DNAH6: variants seen among roughly 807,000 people sequenced by gnomAD.
DNAH6 encodes dynein axonemal heavy chain 6, also known as axonemal beta dynein heavy chain 6.
Under a neutral mutation model 491.4 loss-of-function variants are expected in DNAH6, and 340 were observed. The ratio of observed to expected loss-of-function variants is 0.69; its 90% CI spans 0.63 to 0.76. The LOEUF is 0.76. DNAH6 is among the 30% of genes least tolerant of loss of function. The probability of loss-of-function intolerance (pLI) is 0.00; values close to 1 mark genes in which losing one functional copy is unlikely to be tolerated. For missense variants in DNAH6, 4,443 were observed against 4,972.2 expected (o/e 0.89, Z 3.20); for synonymous variants, 1,603 against 1,686.1 (o/e 0.95, Z 1.21).
chr2:84,504,251 T>A, the DNAH6 span, among the ~76,000 whole-genome samples: 1 of 152,170 alleles, frequency 6.6e-6, no homozygotes, highest in South Asian at 2.1e-4. Context: ...TCTGCTTGAT[T>A]CTTTTTAATT....
At chr2:84,514,748 A>C (rs1233735289), upstream of DNAH6, among the ~76,000 whole-genome samples, 1 of 152,164 alleles carries the variant, frequency 6.6e-6, no homozygotes, top group Admixed American at 6.5e-5. Flanking sequence ...AATGAAGATA[A>C]CATCTTGCCA....
In DNAH6 at chr2:84,584,191, T is replaced by G; in HGVS notation, c.2422T>G (p.Leu808Val). 1 of 1,614,164 alleles carries G rather than the reference T, an allele frequency of 6.2e-7. No homozygotes were observed. The highest frequency in any genetic ancestry group is 1.1e-5 in the South Asian group (1 of 91,084). ...AAGCATTAAGCAATTTTGTGTGCATTTGGGTAGTGATCTTGAAGAATTAAA... is the reference window on the plus strand; with the variant it reads ...AAGCATTAAGCAATTTTGTGTGCATGTGGGTAGTGATCTTGAAGAATTAAA... ...ESSIKQFCVH[L>V]GSDLEELNNE... Residue 808 changes from leucine (L) to valine (V), a missense_variant, in exon 15 of 77, where the codon TTG (leucine) becomes GTG (valine). Transcript: ENST00000389394.
chr2:84,740,466 G>A (rs1035184291), intron 62 of DNAH6, among the ~76,000 whole-genome samples: 3 of 152,180 alleles, frequency 2.0e-5, no homozygotes, highest in African/African-American at 7.2e-5. Flanking sequence ...TGAGAAGAAG[G>A]GTGGCGGAGC....
At chr2:84,616,746 G>T (rs1033841809) in intron 22 of DNAH6, 140 bp from the exon 23 acceptor site, 15 of 475,544 alleles carry the variant, frequency 3.2e-5, no homozygotes, top group Non-Finnish European at 5.2e-5. Context: ...ATAATTCAAA[G>T]CATATTTTTA....
At chr2:84,766,622 A>G (rs1025013313) in intron 64 of DNAH6, among the ~76,000 whole-genome samples, 1 of 152,246 alleles carries the variant, frequency 6.6e-6, no homozygotes, top group Non-Finnish European at 1.5e-5. Flanking sequence ...CCTAGAAAAC[A>G]TAGACAAAAT....
chr2:84,625,165 G>A (rs1687745440), intron 29 of DNAH6, 102 bp downstream of exon 29: 10 of 1,121,034 alleles, frequency 8.9e-6, no homozygotes, highest in Middle Eastern at 5.7e-4. Flanking sequence ...GTGATGACAA[G>A]CAAGAGAAAA....
chr2:84,624,859 AG>A (rs1687715376), intron 28 of DNAH6, 42 bp from the exon 29 acceptor site: 1 of 1,488,288 alleles, frequency 6.7e-7, no homozygotes, highest in Admixed American at 2.5e-5. Context: ...ATTTGTGGCC[AG>A]AGTTGGTTCC....
At chr2:84,742,492 G>A (rs916014497) in intron 62 of DNAH6, among the ~76,000 whole-genome samples, 16 of 152,152 alleles carry the variant, frequency 1.1e-4, no homozygotes, top group African/African-American at 3.9e-4. Context: ...CTGGTGGGTA[G>A]AGACCAGAGA....
Position 84,550,018 on chromosome 2 carries a change from A to G in DNAH6, c.1446A>G (p.Lys482=), listed in dbSNP as rs1235510168. 3 of 1,613,964 alleles carry G rather than the reference A, an allele frequency of 1.9e-6. No individual in the cohort carries two copies. The highest frequency in any genetic ancestry group is 4.5e-5 in the East Asian group (2 of 44,876). The change falls in exon 9 of 77, where the codon AAA becomes AAG. Residue 482 remains lysine, a synonymous_variant. Transcript: ENST00000389394. The part of the protein sequence containing the change: ...KRTPSADVIQ[K]WITEEKPEVP... Reference sequence around the variant, plus strand: ...CACCTTCAGCAGATGTCATTCAGAAATGGATTACTGAAGAGAAGCCTGAAG... The same window carrying G: ...CACCTTCAGCAGATGTCATTCAGAAGTGGATTACTGAAGAGAAGCCTGAAG...
intron 56 of DNAH6, 64 bp downstream of exon 56, chr2:84,710,476 T>C: frequency 1.3e-6 from 2 of 1,487,294 alleles, no homozygotes; most frequent in Non-Finnish European, 1.8e-6. Context: ...TGGAATCCTA[T>C]ATAGGCCACA....
intron 65 of DNAH6, among the ~76,000 whole-genome samples, chr2:84,783,746 G>A (rs11898381): frequency 6.6e-6 from 1 of 152,196 alleles, no homozygotes; most frequent in Admixed American, 6.5e-5. Context: ...TTCCATTCTA[G>A]TTGGGGGGAG....
At chr2:84,742,560 T>C (rs747923458) in intron 62 of DNAH6, among the ~76,000 whole-genome samples, 1 of 152,168 alleles carries the variant, frequency 6.6e-6, no homozygotes, top group Non-Finnish European at 1.5e-5. Context: ...AACTACAGCA[T>C]CCAAAATGTC....
rs114082388 is a variant in DNAH6 at position 84,731,751 on chromosome 2, C to T, written c.10207-1693C>T. ...TTGATGGAATTACTGGACAGAGACA[C>T]AACATTATAAGCCAGCTGGTTTGCC... On this transcript the variant is annotated intron_variant, in intron 61 of 76. Coordinates refer to ENST00000389394, the MANE Select transcript of DNAH6 (RefSeq NM_001370.2). Among the ~76,000 whole-genome samples the T allele has an allele frequency of 8.3e-3, 1,259 of 152,124 alleles. 9 individuals are homozygous for T. The highest frequency in any genetic ancestry group is 0.027 in the Middle Eastern group (8 of 292).
chr2:84,547,469 T>C (rs752965638), intron 6 of DNAH6, 23 bp from the exon 7 acceptor site: 2 of 1,551,614 alleles, frequency 1.3e-6, no homozygotes, highest in South Asian at 2.4e-5. Context: ...TATCACTAAC[T>C]GTACATATTC....
At chr2:84,665,263 GGAGA>G (rs1308158426) in intron 37 of DNAH6, among the ~76,000 whole-genome samples, 1 of 152,040 alleles carries the variant, frequency 6.6e-6, no homozygotes, top group Non-Finnish European at 1.5e-5. Context: ...CAGAACTGAA[GGAGA>G]GAGAGACACA....
intron 23 of DNAH6, among the ~76,000 whole-genome samples, chr2:84,619,259 C>A (rs956721340): frequency 6.6e-6 from 1 of 152,104 alleles, no homozygotes; most frequent in Admixed American, 6.6e-5. Context: ...TCTCCTGCAA[C>A]CACCCATCCA....
At chr2:84,749,191 C>T (rs1369275376) in intron 63 of DNAH6, among the ~76,000 whole-genome samples, 1 of 152,082 alleles carries the variant, frequency 6.6e-6, no homozygotes, top group Non-Finnish European at 1.5e-5. Context: ...CTCTGTCATT[C>T]TGTAGGAAGA....
At chr2:84,667,313 C>T (rs1036965510) in intron 37 of DNAH6, among the ~76,000 whole-genome samples, 1 of 152,066 alleles carries the variant, frequency 6.6e-6, no homozygotes, top group Non-Finnish European at 1.5e-5. Context: ...GAACAGGCAA[C>T]CTACAGAATG....
intron 2 of DNAH6, 69 bp from the exon 3 acceptor site, chr2:84,525,496 G>T (rs529051697): frequency 7.0e-7 from 1 of 1,427,484 alleles, no homozygotes; most frequent in Non-Finnish European, 9.5e-7. Context: ...AGAGTCCAAA[G>T]GTAGTGAAAA....
Sources: allele counts gnomAD v4.1 joint callset (sites outside exome capture counted in the v4.1 genomes callset), GRCh38; gene constraint gnomAD v4.1.1; transcripts MANE v1.5; gene names NCBI Gene and HGNC (gene_info 2026-07-23, HGNC 2026-07-21).